PLEKHA5: variants seen among roughly 807,000 people sequenced by gnomAD.
PLEKHA5 encodes pleckstrin homology domain containing A5.
Under a neutral mutation model 181.9 loss-of-function variants are expected in PLEKHA5, and 55 were observed. The observed-to-expected ratio is 0.30, with a 90% CI of 0.24 to 0.38. PLEKHA5 has a LOEUF of 0.38. PLEKHA5 is among the 10% of genes least tolerant of loss of function. The pLI, the probability that PLEKHA5 is intolerant of heterozygous loss-of-function variation, is 1.00. For missense variants in PLEKHA5, 1,432 were observed against 1,549.5 expected, an observed-to-expected ratio of 0.92 and a Z score of 1.27; for synonymous variants, 535 against 529.4, an observed-to-expected ratio of 1.01 and a Z score of -0.15.
chr12:19,295,546 A>G (rs2079538981), intron 15 of PLEKHA5, among the ~76,000 whole-genome samples: 1 of 152,154 alleles, frequency 6.6e-6, no homozygotes, highest in African/African-American at 2.4e-5. Context: ...TATGAGGGAA[A>G]AAGAAAATTT....
rs34702332 is a variant in PLEKHA5 at position 19,302,906 on chromosome 12, A to ATTTTTTT, written c.2037+11236_2037+11242dup. Among the ~76,000 whole-genome samples the ATTTTTTT allele has an allele frequency of 4.2e-3, 228 of 54,020 alleles. 14 individuals are homozygous for ATTTTTTT. Among genetic ancestry groups the ATTTTTTT allele is most frequent in the East Asian group, 0.012 (16 of 1,294 alleles). The allele number at this position is 54,020 out of a possible 152,430, so 35.4% of individuals were successfully genotyped here. ...GTTGGACAGCACTGTTCTGTATGAA[A>ATTTTTTT]TTTTTTTTTTTTTTTTTTTTTTTTT... On this transcript the variant is annotated intron_variant, in intron 15 of 31. Transcript: ENST00000429027.
intron 3 of PLEKHA5, among the ~76,000 whole-genome samples, chr12:19,236,223 G>C (rs1357993000): frequency 1.3e-5 from 2 of 152,210 alleles, no homozygotes; most frequent in Non-Finnish European, 2.9e-5. Flanking sequence ...TTTTCTGCTA[G>C]TTAGTATACG....
intron 7 of PLEKHA5, among the ~76,000 whole-genome samples, chr12:19,264,608 C>T (rs565249186): frequency 3.3e-5 from 5 of 152,242 alleles, no homozygotes; most frequent in South Asian, 4.1e-4. Flanking sequence ...ATTAACGAAT[C>T]GTACCTGAAT....
intron 11 of PLEKHA5, among the ~76,000 whole-genome samples, chr12:19,279,787 T>C (rs1283133268): frequency 6.6e-6 from 1 of 151,986 alleles, no homozygotes; most frequent in Non-Finnish European, 1.5e-5. Flanking sequence ...AAGTACTTAA[T>C]AGGAAAGCAA....
chr12:19,133,267 A>T (rs776620281), intron 3 of PLEKHA5, among the ~76,000 whole-genome samples: 7 of 152,032 alleles, frequency 4.6e-5, no homozygotes, highest in Non-Finnish European at 8.8e-5. Context: ...TTAATAACTT[A>T]GTACTACTTG....
chr12:19,354,046 A>G (rs1016550859), intron 26 of PLEKHA5, 44 bp downstream of exon 26: 22 of 851,450 alleles, frequency 2.6e-5, no homozygotes, highest in Non-Finnish European at 3.6e-5. Flanking sequence ...TCTCACATCT[A>G]TTTATTGCTT....
At chr12:19,304,409 A>G (rs542296851) in intron 15 of PLEKHA5, among the ~76,000 whole-genome samples, 12 of 152,320 alleles carry the variant, frequency 7.9e-5, no homozygotes, top group Non-Finnish European at 1.3e-4. Flanking sequence ...TCTTAATGCT[A>G]TATCTTAGAC....
intron 6 of PLEKHA5, among the ~76,000 whole-genome samples, chr12:19,258,800 A>G (rs377148280): frequency 1.4e-3 from 211 of 152,038 alleles, no homozygotes; most frequent in Middle Eastern, 3.4e-3. Flanking sequence ...TCCTTTCCTC[A>G]AATGACCACC....
intron 3 of PLEKHA5, among the ~76,000 whole-genome samples, chr12:19,166,235 G>T (rs55982139): frequency 0.098 from 14,911 of 152,146 alleles, 935 homozygotes; most frequent in African/African-American, 0.18. Context: ...CAGGGTTGAA[G>T]AAAGTTCAAC....
intron 3 of PLEKHA5, among the ~76,000 whole-genome samples, chr12:19,193,132 AG>A (rs1368250403): frequency 6.6e-6 from 1 of 152,194 alleles, no homozygotes; most frequent in Non-Finnish European, 1.5e-5. Flanking sequence ...AGTGTTTATG[AG>A]GTGCATAAAT....
intron 3 of PLEKHA5, among the ~76,000 whole-genome samples, chr12:19,238,189 A>T (rs2061729287): frequency 6.6e-6 from 1 of 152,070 alleles, no homozygotes; most frequent in Non-Finnish European, 1.5e-5. Context: ...GGAAAACATG[A>T]TATGGAAATT....
intron 15 of PLEKHA5, among the ~76,000 whole-genome samples, chr12:19,313,314 G>T (rs1300390039): frequency 6.6e-6 from 1 of 152,178 alleles, no homozygotes; most frequent in African/African-American, 2.4e-5. Flanking sequence ...GTTTGAGGCT[G>T]CAGTGAGCCA....
At chr12:19,170,430 T>C (rs865862811) in intron 3 of PLEKHA5, among the ~76,000 whole-genome samples, 705 of 4,756 alleles carry the variant, frequency 0.15, 1 homozygote, top group Admixed American at 0.21. Flanking sequence ...TCAGAAGACT[T>C]TTTTTTTTTT....
intron 11 of PLEKHA5, among the ~76,000 whole-genome samples, chr12:19,279,689 A>G (rs1287353014): frequency 2.0e-5 from 3 of 151,788 alleles, no homozygotes; most frequent in African/African-American, 7.2e-5. Flanking sequence ...ACATATATAT[A>G]TAAAATCTCT....
In PLEKHA5 at chr12:19,261,334, G is replaced by T. The variant is rs533354733; in HGVS notation, c.610+313G>T. ...TTGAGGAGGTTCTTTTCACATGTCA[G>T]TTTTGTCAGATCTAGCTTATGGGTC... On this transcript the variant is annotated intron_variant, in intron 7 of 31. Transcript: ENST00000429027. 3.6e-4 allele frequency among the ~76,000 whole-genome samples: 55 copies of T among 152,180 alleles called. 2 individuals carry two copies. The South Asian group carries it at 0.011, about 32-fold the overall frequency.
In PLEKHA5 at chr12:19,231,933, TCAAG is replaced by T. The variant is rs1214321918; in HGVS notation, c.228-22004_228-22001del. On this transcript the variant is annotated intron_variant, in intron 3 of 31. Transcript: ENST00000429027. Reference sequence around the variant, plus strand: ...TTTTTTCCATCGAGAAAAATTGTCTTCAAGCACCCAAAGATAGAGTTTAAATATG... The same window carrying T: ...TTTTTTCCATCGAGAAAAATTGTCTTCACCCAAAGATAGAGTTTAAATATG... Among the ~76,000 whole-genome samples the T allele has an allele frequency of 6.6e-5, 10 of 152,180 alleles. No homozygotes were observed. In the East Asian group the frequency reaches 1.7e-3, roughly 26 times the overall value.
At chr12:19,302,523 G>A (rs998866243) in intron 15 of PLEKHA5, among the ~76,000 whole-genome samples, 3 of 152,146 alleles carry the variant, frequency 2.0e-5, no homozygotes, top group Non-Finnish European at 2.9e-5. Context: ...AGCCACCTGA[G>A]TAGCTAGGAT....
intron 22 of PLEKHA5, among the ~76,000 whole-genome samples, chr12:19,344,510 G>A (rs1441751917): frequency 6.6e-6 from 1 of 152,122 alleles, no homozygotes; most frequent in African/African-American, 2.4e-5. Flanking sequence ...GTTGTTTCCA[G>A]AGTTTTTTAT....
intron 3 of PLEKHA5, among the ~76,000 whole-genome samples, chr12:19,165,044 A>C (rs77893482): frequency 0.038 from 5,821 of 152,072 alleles, 361 homozygotes; most frequent in African/African-American, 0.13. Flanking sequence ...CCCAAAATAA[A>C]ACAGCAACAG....
Sources: gnomAD v4.1 joint callset for allele counts (sites outside exome capture counted in the v4.1 genomes callset) on GRCh38, gnomAD v4.1.1 for gene constraint, MANE v1.5 for transcripts, NCBI Gene and HGNC (gene_info 2026-07-23, HGNC 2026-07-21) for gene names.